PPARGC1A: variants seen among roughly 807,000 people sequenced by gnomAD.
PPARGC1A encodes peroxisome proliferator-activated receptor gamma coactivator 1-alpha.
A neutral mutation model predicts 88.7 loss-of-function variants in PPARGC1A; 25 were observed. That is an observed-to-expected ratio of 0.28 (90% CI 0.21 to 0.39). The LOEUF (loss-of-function observed/expected upper bound fraction) is 0.39. Ranked by LOEUF, PPARGC1A falls within the 10% of genes least tolerant of loss-of-function variation. The probability of loss-of-function intolerance (pLI) is 1.00; values close to 1 mark genes in which losing one functional copy is unlikely to be tolerated. For synonymous variants in PPARGC1A, 363 were observed against 355.6 expected, an observed-to-expected ratio of 1.02 and a Z score of -0.24; for missense variants, 880 against 968.7, an observed-to-expected ratio of 0.91 and a Z score of 1.22.
the PPARGC1A span, among the ~76,000 whole-genome samples, chr4:24,013,185 C>T: frequency 6.6e-6 from 1 of 152,110 alleles, no homozygotes; most frequent in African/African-American, 2.4e-5. Flanking sequence ...TAACGTATCA[C>T]AAATTCTAAA....
At chr4:24,076,010 A>G in the PPARGC1A span, among the ~76,000 whole-genome samples, 1 of 152,160 alleles carries the variant, frequency 6.6e-6, no homozygotes, top group Non-Finnish European at 1.5e-5. Context: ...ATAGTCTTAC[A>G]TCATAGTTCC....
chr4:24,229,992 C>T, the PPARGC1A span, among the ~76,000 whole-genome samples: 5 of 152,196 alleles, frequency 3.3e-5, no homozygotes. Context: ...CCCAAAATCT[C>T]ACTGCCAGCA....
chr4:23,878,184 T>C (rs1490142140), intron 2 of PPARGC1A, among the ~76,000 whole-genome samples: 1 of 152,112 alleles, frequency 6.6e-6, no homozygotes, highest in African/African-American at 2.4e-5. Flanking sequence ...GCCCATAAAA[T>C]GTCCCAGTTT....
At chr4:24,225,756 G>T in the PPARGC1A span, among the ~76,000 whole-genome samples, 6 of 151,992 alleles carry the variant, frequency 3.9e-5, no homozygotes, top group Non-Finnish European at 8.8e-5. Flanking sequence ...GGGAGGAATA[G>T]GTTTGGATGG....
chr4:24,280,686 A>C, the PPARGC1A span, among the ~76,000 whole-genome samples: 1,858 of 152,358 alleles, frequency 0.012, 108 homozygotes, highest in Admixed American at 0.096. Flanking sequence ...GAGATTTTGC[A>C]GTCAATTTTT....
chr4:24,163,680 T>TA, the PPARGC1A span, among the ~76,000 whole-genome samples: 3 of 152,214 alleles, frequency 2.0e-5, no homozygotes, highest in Admixed American at 6.5e-5. Flanking sequence ...CTGATATTCA[T>TA]AAAATCTCAT....
the PPARGC1A span, among the ~76,000 whole-genome samples, chr4:23,924,975 A>G: frequency 6.6e-6 from 1 of 152,228 alleles, no homozygotes; most frequent in Admixed American, 6.5e-5. Flanking sequence ...AGCAACACAC[A>G]TTATCTTTTG....
At chr4:24,242,917 T>C in the PPARGC1A span, among the ~76,000 whole-genome samples, 1 of 152,148 alleles carries the variant, frequency 6.6e-6, no homozygotes, top group East Asian at 1.9e-4. Context: ...AACAGTCTGT[T>C]TATTGGGGAA....
At chr4:24,162,754 T>A in the PPARGC1A span, among the ~76,000 whole-genome samples, 2 of 151,840 alleles carry the variant, frequency 1.3e-5, no homozygotes, top group Admixed American at 6.6e-5. Flanking sequence ...ACCATGCCCA[T>A]CTAATTTTTG....
the PPARGC1A span, among the ~76,000 whole-genome samples, chr4:24,195,097 C>T: frequency 6.6e-6 from 1 of 152,256 alleles, no homozygotes; most frequent in Non-Finnish European, 1.5e-5. Context: ...GATATCTCAT[C>T]TACTCTGTTA....
chr4:24,124,821 C>A, the PPARGC1A span, among the ~76,000 whole-genome samples: 3 of 152,134 alleles, frequency 2.0e-5, no homozygotes, highest in African/African-American at 7.2e-5. Context: ...GAAAAGGAGA[C>A]TGCTCTGCTT....
chr4:23,931,605 T>G, the PPARGC1A span, among the ~76,000 whole-genome samples: 2 of 152,204 alleles, frequency 1.3e-5, no homozygotes, highest in Non-Finnish European at 2.9e-5. Context: ...AAGAATCCAA[T>G]GTCATCTGAC....
chr4:24,312,937 G>T, the PPARGC1A span, among the ~76,000 whole-genome samples: 49 of 152,068 alleles, frequency 3.2e-4, no homozygotes, highest in Middle Eastern at 3.4e-3. Flanking sequence ...AAAAAAAACA[G>T]CAAAGTTCAG....
At chr4:24,066,856 T>TG in the PPARGC1A span, among the ~76,000 whole-genome samples, 1 of 83,646 alleles carries the variant, frequency 1.2e-5, no homozygotes, top group East Asian at 4.2e-4. Context: ...TGGGTTTTTT[T>TG]TTTTTTTTTT....
At chr4:24,411,594 C>T in the PPARGC1A span, among the ~76,000 whole-genome samples, 1 of 152,152 alleles carries the variant, frequency 6.6e-6, no homozygotes, top group African/African-American at 2.4e-5. Flanking sequence ...TTGACAAATG[C>T]TTTAGGACAT....
At position 23,884,950 on chromosome 4, in the gene PPARGC1A, A is replaced by T; in HGVS notation, c.55-19T>A. The T allele has an allele frequency of 1.3e-6, 2 of 1,525,856 alleles. No homozygotes were observed. Among genetic ancestry groups the T allele is most frequent in the Admixed American group, 2.2e-5 (1 of 46,306 alleles). 94.5% of individuals were successfully genotyped at this position (1,525,856 alleles called of 1,614,324 possible). On this transcript the variant is annotated intron_variant, in intron 1 of 12. Coordinates refer to ENST00000264867, the MANE Select transcript of PPARGC1A (RefSeq NM_013261.5). ...CAGCACACTGCAGGAGGCAGAAAAA[A>T]AAAATTTAAAAAAGCTTCCATTAAC...
At chr4:24,148,609 G>A in the PPARGC1A span, among the ~76,000 whole-genome samples, 1 of 152,200 alleles carries the variant, frequency 6.6e-6, no homozygotes, top group Non-Finnish European at 1.5e-5. Flanking sequence ...ATGAGCCATA[G>A]AACAAAATGT....
chr4:24,451,337 T>C, the PPARGC1A span, among the ~76,000 whole-genome samples: 10 of 152,234 alleles, frequency 6.6e-5, no homozygotes, highest in African/African-American at 2.4e-4. Flanking sequence ...GACTATCCCT[T>C]TTTAGGCTAC....
the PPARGC1A span, among the ~76,000 whole-genome samples, chr4:24,053,039 T>C: frequency 1.3e-5 from 2 of 150,942 alleles, no homozygotes; most frequent in Non-Finnish European, 3.0e-5. Flanking sequence ...AATTTTTTTT[T>C]TTTTGTATTT....
Sources: gnomAD v4.1 joint callset for allele counts (sites outside exome capture counted in the v4.1 genomes callset) on GRCh38, gnomAD v4.1.1 for gene constraint, MANE v1.5 for transcripts, NCBI Gene and HGNC (gene_info 2026-07-23, HGNC 2026-07-21) for gene names.